Variants in TMEM132B observed in about 807,000 individuals in gnomAD.
TMEM132B encodes the protein transmembrane protein 132B.
In TMEM132B, 18 loss-of-function variants were observed where a neutral mutation model predicts 90.8. The ratio of observed to expected loss-of-function variants is 0.20; its 90% CI spans 0.14 to 0.29. TMEM132B has a LOEUF of 0.29. TMEM132B is among the 10% of genes least tolerant of loss of function. The pLI is 1.00. For missense variants in TMEM132B, 1,096 were observed against 1,326.8 expected (o/e 0.83, Z 2.70); for synonymous variants, 504 against 523.3 (o/e 0.96, Z 0.50).
intron 5 of TMEM132B, among the ~76,000 whole-genome samples, chr12:125,621,999 C>T (rs528358436): frequency 3.9e-5 from 6 of 152,310 alleles, no homozygotes; most frequent in African/African-American, 1.4e-4. Context: ...CTTGAAGAAT[C>T]AGGATCTCTC....
chr12:125,207,201 C>G (rs964582592), intron 1 of TMEM132B, among the ~76,000 whole-genome samples: 2 of 152,190 alleles, frequency 1.3e-5, no homozygotes, highest in Admixed American at 1.3e-4. Context: ...CTCGTTGAAA[C>G]AGCAGTGGGG....
At chr12:125,296,499 A>T (rs554248015) in intron 1 of TMEM132B, among the ~76,000 whole-genome samples, 1 of 152,240 alleles carries the variant, frequency 6.6e-6, no homozygotes, top group South Asian at 2.1e-4. Flanking sequence ...TCACACTGTG[A>T]CCTGCCAATT....
In TMEM132B at chr12:125,653,766, A is replaced by C; in HGVS notation, c.2308A>C (p.Ile770Leu). The C allele has an allele frequency of 6.2e-7, 1 of 1,614,212 alleles. No individual in the cohort carries two copies. The highest frequency in any genetic ancestry group is 8.5e-7 in the Non-Finnish European group (1 of 1,180,044). ...GCCTTTGATTAAGTTAGAAATGATGATAAGTGAACCTTGTCAGAAGACCAA... is the reference window on the plus strand; with the variant it reads ...GCCTTTGATTAAGTTAGAAATGATGCTAAGTGAACCTTGTCAGAAGACCAA... ...QGPLIKLEMM[I>L]SEPCQKTKRK... Residue 770 changes from isoleucine to leucine, a missense_variant, in exon 9 of 9, where the codon ATA becomes CTA. Coordinates refer to ENST00000682704, the MANE Select transcript of TMEM132B (RefSeq NM_001366854.1).
At chr12:125,390,798 A>G (rs1878986568) in intron 2 of TMEM132B, among the ~76,000 whole-genome samples, 1 of 127,888 alleles carries the variant, frequency 7.8e-6, no homozygotes, top group Non-Finnish European at 1.6e-5. Flanking sequence ...CAGCCCCCAT[A>G]CCATGACTGA....
intron 2 of TMEM132B, among the ~76,000 whole-genome samples, chr12:125,393,670 G>C (rs1487904972): frequency 6.6e-6 from 1 of 152,150 alleles, no homozygotes; most frequent in Admixed American, 6.5e-5. Flanking sequence ...ACTTAATGAA[G>C]GGGCTTTTGA....
Position 125,415,661 on chromosome 12 carries a change from C to G in TMEM132B, c.1090C>G (p.Pro364Ala), listed in dbSNP as rs769230508. 1.2e-6 allele frequency: 2 copies of G among 1,614,102 alleles called. No homozygotes were observed. The highest frequency in any genetic ancestry group is 4.5e-5 in the East Asian group (2 of 44,872). ...CACCCTCACCTGCATGGGCCATCGC[C>G]CGGACACGCAGAGCAGGTAAGCATG... ...SATLTCMGHR[P>A]DTQSRVNGSF... The change falls in exon 3 of 9, where the codon CCG (proline) becomes GCG (alanine). Residue 364 changes from proline to alanine, a missense_variant. By Grantham distance (27) the Pro-to-Ala change is conservative. Coordinates refer to ENST00000682704, the MANE Select transcript of TMEM132B (RefSeq NM_001366854.1). The surrounding 1 kb of genome is among the most constrained non-coding windows in gnomAD (Gnocchi z 5.3).
rs988153129 is a variant in TMEM132B, at chr12:125,406,246, C to T, written c.960-9285C>T. Among the ~76,000 whole-genome samples the T allele has an allele frequency of 2.6e-5, 4 of 152,168 alleles. No individual in the cohort carries two copies. The highest frequency in any genetic ancestry group is 9.7e-5 in the African/African-American group (4 of 41,428). On this transcript the variant is annotated intron_variant, in intron 2 of 8. Transcript: ENST00000682704. This position sits in a 1 kb window ranked among gnomAD's most constrained non-coding sequence, Gnocchi z 8.3. ...CAAAACTTCCCTTCCCTGGTCATAC[C>T]CACACAATTTGCCTGTCTAGTGATG...
intron 1 of TMEM132B, among the ~76,000 whole-genome samples, chr12:125,304,984 G>C (rs143233053): frequency 6.6e-6 from 1 of 152,122 alleles, no homozygotes; most frequent in South Asian, 2.1e-4. Context: ...TGGAGCCATC[G>C]TCTTGTTGGA....
At chr12:125,554,162 G>A (rs747498920) in intron 4 of TMEM132B, among the ~76,000 whole-genome samples, 4 of 152,106 alleles carry the variant, frequency 2.6e-5, no homozygotes, top group African/African-American at 7.2e-5. Flanking sequence ...GGTGGCTCAC[G>A]CCTGTAATCC....
At chr12:125,511,404 T>C (rs544951228) in intron 3 of TMEM132B, among the ~76,000 whole-genome samples, 79 of 152,318 alleles carry the variant, frequency 5.2e-4, no homozygotes, top group Admixed American at 1.2e-3. Flanking sequence ...TTCCAGGAAC[T>C]GCAACCAGGA....
intron 1 of TMEM132B, among the ~76,000 whole-genome samples, chr12:125,297,686 T>G (rs1875706492): frequency 6.6e-6 from 1 of 152,140 alleles, no homozygotes; most frequent in Non-Finnish European, 1.5e-5. Context: ...TCAGTGCAGG[T>G]GCTGGCCAAG....
intron 1 of TMEM132B, chr12:125,326,591 G>T (rs770787048): frequency 6.3e-7 from 1 of 1,595,146 alleles, no homozygotes. Context: ...TGAAGATTTG[G>T]TGCCCTCGCC....
chr12:125,568,100 TTC>T (rs1884703264), intron 4 of TMEM132B, among the ~76,000 whole-genome samples: 1 of 152,144 alleles, frequency 6.6e-6, no homozygotes, highest in Non-Finnish European at 1.5e-5. Flanking sequence ...ACTCATCTCA[TTC>T]TCTCTGTCTA....
chr12:125,383,968 A>T (rs1878754974), intron 2 of TMEM132B, among the ~76,000 whole-genome samples: 1 of 152,102 alleles, frequency 6.6e-6, no homozygotes, highest in African/African-American at 2.4e-5. Flanking sequence ...TTTTTTTTAG[A>T]TGGAGTCTCA....
intron 5 of TMEM132B, chr12:125,585,179 C>T (rs141212077): frequency 2.0e-5 from 3 of 152,216 alleles, no homozygotes; most frequent in Non-Finnish European, 4.4e-5. Context: ...AAATTAATTC[C>T]TAGGAAACTC....
chr12:125,313,160 G>A (rs1031088852), intron 1 of TMEM132B, among the ~76,000 whole-genome samples: 1 of 152,124 alleles, frequency 6.6e-6, no homozygotes, highest in African/African-American at 2.4e-5. Context: ...TCTTAAAAAT[G>A]GGGACATAGA....
At chr12:125,320,895 T>C (rs542983877) in intron 1 of TMEM132B, among the ~76,000 whole-genome samples, 2 of 152,174 alleles carry the variant, frequency 1.3e-5, no homozygotes, top group Non-Finnish European at 1.5e-5. Context: ...AACCACAATG[T>C]TTTTGGTAAA....
intron 3 of TMEM132B, among the ~76,000 whole-genome samples, chr12:125,488,646 G>T (rs552379234): frequency 6.6e-6 from 1 of 152,196 alleles, no homozygotes; most frequent in African/African-American, 2.4e-5. Context: ...CCCCAGCCAC[G>T]TGGAACTGTA....
rs777063590 is a variant in TMEM132B at position 125,407,948 on chromosome 12, T to C, written c.960-7583T>C. Among the ~76,000 whole-genome samples, 28 of 152,142 alleles carry C rather than the reference T, an allele frequency of 1.8e-4. No individual in the cohort carries two copies. The highest frequency in any genetic ancestry group is 3.5e-4 in the Non-Finnish European group (24 of 68,020). ...ACATAAGCGAGCACAGACTGATGAG[T>C]TCTCACAACCACCAAGTAATCGGCA... On this transcript the variant is annotated intron_variant, in intron 2 of 8. Transcript: ENST00000682704. The surrounding 1 kb of genome is among the most constrained non-coding windows in gnomAD (Gnocchi z 6.7).
Sources: gnomAD v4.1 joint callset for allele counts (sites outside exome capture counted in the v4.1 genomes callset) on GRCh38, gnomAD v4.1.1 for gene constraint, Gnocchi (gnomAD v3.1) non-coding constraint, MANE v1.5 for transcripts, NCBI Gene and HGNC (gene_info 2026-07-23, HGNC 2026-07-21) for gene names.